SEZ6L: variants seen among roughly 807,000 people sequenced by gnomAD.
SEZ6L encodes seizure related 6 homolog like.
A neutral mutation model predicts 106.2 loss-of-function variants in SEZ6L; 37 were observed. The ratio of observed to expected loss-of-function variants is 0.35; its 90% CI spans 0.27 to 0.46. The LOEUF is 0.46. Ranked by LOEUF, SEZ6L falls within the 20% of genes least tolerant of loss-of-function variation. SEZ6L has a pLI of 1.00. For synonymous variants in SEZ6L, 541 were observed against 570.4 expected (o/e 0.95, Z 0.73); for missense variants, 1,172 against 1,332.8 (o/e 0.88, Z 1.88).
rs1165244258 is a variant in SEZ6L at position 26,292,694 on chromosome 22, C to A, written c.383C>A (p.Ala128Asp). The change falls in exon 2 of 17, where the codon GCC becomes GAC. Residue 128 changes from alanine to aspartate, a missense_variant. By Grantham distance (126) the Ala-to-Asp change is moderately radical (BLOSUM62 -2). Transcript: ENST00000248933. ...KLPSLKQVNS[A>D]RKQLRPKATS... is the part of the protein sequence containing the mutation. Reference sequence around the variant, plus strand: ...CCTTCGCTCAAGCAGGTGAACTCTGCCAGGAAGCAGCTGAGGCCCAAGGCC... The same window carrying A: ...CCTTCGCTCAAGCAGGTGAACTCTGACAGGAAGCAGCTGAGGCCCAAGGCC... 6.2e-7 allele frequency: 1 copy of A among 1,613,590 alleles called. No individual in the cohort carries two copies. The highest frequency in any genetic ancestry group is 8.5e-7 in the Non-Finnish European group (1 of 1,179,944).
chr22:26,371,005 CAAAAA>C (rs59911432), intron 13 of SEZ6L, among the ~76,000 whole-genome samples: 1 of 110,002 alleles, frequency 9.1e-6, no homozygotes, highest in Non-Finnish European at 1.8e-5. Flanking sequence ...CCCTGTATCA[CAAAAA>C]AAAAAAAAAA....
At chr22:26,270,188 C>T (rs541175776) in intron 1 of SEZ6L, among the ~76,000 whole-genome samples, 3 of 152,064 alleles carry the variant, frequency 2.0e-5, no homozygotes, top group Non-Finnish European at 4.4e-5. Flanking sequence ...TAAGATGATG[C>T]GTGGTAGAAT....
At position 26,258,747 on chromosome 22, in the gene SEZ6L, T is replaced by A. The variant is rs1419945934; in HGVS notation, c.95-33659T>A. Among the ~76,000 whole-genome samples, 82 of 152,194 alleles carry A rather than the reference T, an allele frequency of 5.4e-4. 1 individual carries two copies. The highest frequency in any genetic ancestry group is 4.4e-5 in the Non-Finnish European group (3 of 68,048). The stretch of plus-strand genomic sequence containing the variant: ...TTCTCTATAACTGAATTATAAAGGA[T>A]CTGTGGTAAGAAGGGGAGTGAAGGA... On this transcript the variant is annotated intron_variant, in intron 1 of 16. Transcript: ENST00000248933.
chr22:26,360,171 A>G (rs2083566028), intron 12 of SEZ6L, among the ~76,000 whole-genome samples: 1 of 152,216 alleles, frequency 6.6e-6, no homozygotes, highest in African/African-American at 2.4e-5. Context: ...CTGGGTGACT[A>G]ATTAAATTAA....
chr22:26,296,334 C>G (rs1183740290), intron 3 of SEZ6L, among the ~76,000 whole-genome samples: 2 of 152,104 alleles, frequency 1.3e-5, no homozygotes, highest in Non-Finnish European at 2.9e-5. Context: ...CCACCCCTCA[C>G]TTACCAATTT....
chr22:26,375,902 T>C (rs1045034162), intron 15 of SEZ6L, among the ~76,000 whole-genome samples: 3 of 152,200 alleles, frequency 2.0e-5, no homozygotes, highest in African/African-American at 7.2e-5. Context: ...GTAAGACAAA[T>C]ACTATTCCTG....
intron 1 of SEZ6L, among the ~76,000 whole-genome samples, chr22:26,239,047 A>T (rs1317717977): frequency 6.6e-6 from 1 of 152,148 alleles, no homozygotes; most frequent in Non-Finnish European, 1.5e-5. Context: ...ACATAGCAAG[A>T]CCCCATCTCT....
At chr22:26,236,753 A>G (rs184519106) in intron 1 of SEZ6L, among the ~76,000 whole-genome samples, 1 of 152,304 alleles carries the variant, frequency 6.6e-6, no homozygotes, top group Non-Finnish European at 1.5e-5. Context: ...TGCTAGCTAA[A>G]AAGGTCAGGT....
chr22:26,296,156 C>G (rs1309301689), intron 3 of SEZ6L, among the ~76,000 whole-genome samples: 1 of 152,160 alleles, frequency 6.6e-6, no homozygotes, highest in Non-Finnish European at 1.5e-5. Context: ...TGTTCAGCCT[C>G]CCTGCGTACA....
intron 9 of SEZ6L, among the ~76,000 whole-genome samples, chr22:26,322,890 G>T (rs1303826632): frequency 6.6e-6 from 1 of 152,086 alleles, no homozygotes; most frequent in Non-Finnish European, 1.5e-5. Flanking sequence ...AACCCTAAGG[G>T]CCTTTTCATA....
At chr22:26,198,053 A>G (rs1233729416) in intron 1 of SEZ6L, among the ~76,000 whole-genome samples, 1 of 152,216 alleles carries the variant, frequency 6.6e-6, no homozygotes, top group African/African-American at 2.4e-5. Context: ...AGGAGAAGCT[A>G]CTGGTCTACC....
At chr22:26,319,971 T>C (rs961622804) in intron 9 of SEZ6L, among the ~76,000 whole-genome samples, 5 of 152,236 alleles carry the variant, frequency 3.3e-5, no homozygotes, top group African/African-American at 9.6e-5. Context: ...CAGAAAAATA[T>C]GGAAAGACCT....
chr22:26,185,789 T>A (rs1332539842), intron 1 of SEZ6L, among the ~76,000 whole-genome samples: 3 of 152,162 alleles, frequency 2.0e-5, no homozygotes, highest in African/African-American at 7.2e-5. Context: ...CAGGAACCAC[T>A]GAGGCTTGGA....
chr22:26,329,995 T>G (rs2082430685), intron 9 of SEZ6L, among the ~76,000 whole-genome samples: 1 of 152,274 alleles, frequency 6.6e-6, no homozygotes, highest in Non-Finnish European at 1.5e-5. Flanking sequence ...AGATCTTGCC[T>G]GAAGGGCAAG....
chr22:26,365,513 G>A lies in SEZ6L; in HGVS notation c.2741G>A (p.Arg914His), dbSNP rs752023482. 1.6e-5 allele frequency: 26 copies of A among 1,613,990 alleles called. No individual in the cohort carries two copies. Among genetic ancestry groups the A allele is most frequent in the East Asian group, 4.5e-5 (2 of 44,878 alleles). Residue 914 changes from arginine (R) to histidine (H), a missense_variant, in exon 13 of 17, where the codon CGC becomes CAC. Around this residue, in one of 4 missense-constraint regions of SEZ6L, gnomAD observed 141 missense variants for 176.0 expected, o/e 0.80. Coordinates refer to ENST00000248933, the MANE Select transcript of SEZ6L (RefSeq NM_021115.5). Reference sequence around the variant, plus strand: ...GAGCTCATGGGTGAAGTGACCATCCGCTGCATCCTGGGACAGCCATCCCAC... The same window carrying A: ...GAGCTCATGGGTGAAGTGACCATCCACTGCATCCTGGGACAGCCATCCCAC... ...GFELMGEVTI[R>H]CILGQPSHWN...
intron 1 of SEZ6L, among the ~76,000 whole-genome samples, chr22:26,213,616 C>T (rs2078221501): frequency 6.6e-6 from 1 of 152,202 alleles, no homozygotes. Context: ...AGGATTAAAC[C>T]TTCCCTTCTC....
At chr22:26,291,496 C>A (rs899739599) in intron 1 of SEZ6L, among the ~76,000 whole-genome samples, 7 of 152,080 alleles carry the variant, frequency 4.6e-5, no homozygotes, top group Non-Finnish European at 8.8e-5. Context: ...GCATGCTGGG[C>A]TTAATACCTA....
intron 9 of SEZ6L, among the ~76,000 whole-genome samples, chr22:26,326,990 T>TG (rs1302017888): frequency 6.6e-6 from 1 of 152,152 alleles, no homozygotes; most frequent in Non-Finnish European, 1.5e-5. Context: ...TGGAGTTTCC[T>TG]GGGGGTGTTC....
intron 1 of SEZ6L, among the ~76,000 whole-genome samples, chr22:26,216,316 T>A (rs1309897558): frequency 2.0e-5 from 3 of 152,176 alleles, no homozygotes; most frequent in African/African-American, 7.2e-5. Flanking sequence ...AGGGGACAGC[T>A]GACCTGTCCC....
Sources: gnomAD v4.1 joint callset for allele counts (sites outside exome capture counted in the v4.1 genomes callset) on GRCh38, gnomAD v4.1.1 for gene constraint, gnomAD v4.1.1 regional missense constraint, MANE v1.5 for transcripts, NCBI Gene and HGNC (gene_info 2026-07-23, HGNC 2026-07-21) for gene names.